RBFOX1: variants seen among roughly 807,000 people sequenced by gnomAD.
RBFOX1 encodes the protein RNA binding protein fox-1 homolog 1.
RBFOX1 carries 8 observed loss-of-function variants against 57.7 expected under a neutral mutation model. That is an observed-to-expected ratio of 0.14 (90% CI 0.08 to 0.25). RBFOX1 has a LOEUF of 0.25. Among genes scored for constraint, RBFOX1 ranks in the 10% least tolerant of loss-of-function variants. The pLI, the probability that RBFOX1 is intolerant of heterozygous loss-of-function variation, is 1.00. For missense variants in RBFOX1, 611 were observed against 548.5 expected (o/e 1.11, Z -1.14); for synonymous variants, 326 against 222.4 (o/e 1.47, Z -4.15).
chr16:6,301,824 C>T (rs2078854254), intron 1 of RBFOX1, among the ~76,000 whole-genome samples: 1 of 152,074 alleles, frequency 6.6e-6, no homozygotes, highest in Non-Finnish European at 1.5e-5. Flanking sequence ...GAATATTTAT[C>T]AGAATTATAT....
chr16:6,717,053 T>G (rs1376000275), intron 3 of RBFOX1, among the ~76,000 whole-genome samples: 1 of 152,194 alleles, frequency 6.6e-6, no homozygotes, highest in Non-Finnish European at 1.5e-5. Context: ...GTGAGAAGGC[T>G]GCCATGTGCA....
At chr16:6,466,543 C>G (rs1015494561) in intron 2 of RBFOX1, among the ~76,000 whole-genome samples, 3 of 152,276 alleles carry the variant, frequency 2.0e-5, no homozygotes, top group East Asian at 1.9e-4. Context: ...TGAATTCAAT[C>G]TGATGCTTGC....
At chr16:6,042,403 C>G (rs938574120) in intron 1 of RBFOX1, among the ~76,000 whole-genome samples, 10 of 152,134 alleles carry the variant, frequency 6.6e-5, no homozygotes, top group African/African-American at 9.7e-5. Context: ...CTGGCCCTTT[C>G]TCTTCCATTT....
chr16:7,349,918 G>C (rs990225371), intron 4 of RBFOX1, among the ~76,000 whole-genome samples: 3 of 152,148 alleles, frequency 2.0e-5, no homozygotes, highest in African/African-American at 7.2e-5. Flanking sequence ...AGGCCGAGGT[G>C]GGTGGATCAC....
chr16:6,371,498 C>G (rs565743625), intron 2 of RBFOX1, among the ~76,000 whole-genome samples: 6 of 152,286 alleles, frequency 3.9e-5, no homozygotes, highest in Non-Finnish European at 7.4e-5. Flanking sequence ...GGAGCCCCTT[C>G]AAGCTGGCTC....
chr16:5,815,594 C>G (rs957618703), intron 3 of RBFOX1, among the ~76,000 whole-genome samples: 53 of 152,172 alleles, frequency 3.5e-4, no homozygotes, highest in Non-Finnish European at 1.3e-4. Flanking sequence ...AAAGTGGACC[C>G]TGTTCCAGGA....
At chr16:5,324,098 C>T (rs891545143) in intron 1 of RBFOX1, among the ~76,000 whole-genome samples, 2 of 152,210 alleles carry the variant, frequency 1.3e-5, no homozygotes, top group African/African-American at 4.8e-5. Flanking sequence ...CAGCACCTGC[C>T]TCCTCCTAGT....
chr16:7,242,633 G>C (rs1424290945), intron 4 of RBFOX1, among the ~76,000 whole-genome samples: 2 of 152,206 alleles, frequency 1.3e-5, no homozygotes, highest in Non-Finnish European at 2.9e-5. Context: ...GCTGCAGGAT[G>C]CTCAGCATGC....
chr16:6,642,510 C>T (rs950269682), intron 2 of RBFOX1, among the ~76,000 whole-genome samples: 1 of 151,910 alleles, frequency 6.6e-6, no homozygotes, highest in African/African-American at 2.4e-5. Context: ...TCGAGTTACC[C>T]GGCCTTTTAC....
chr16:7,042,894 C>G (rs557304594), intron 3 of RBFOX1, among the ~76,000 whole-genome samples: 13 of 152,036 alleles, frequency 8.6e-5, no homozygotes, highest in East Asian at 3.9e-4. Context: ...CCACTGCACT[C>G]CAGCCTGGGT....
chr16:5,761,348 C>A (rs1171783041), intron 3 of RBFOX1, among the ~76,000 whole-genome samples: 1 of 152,152 alleles, frequency 6.6e-6, no homozygotes, highest in Non-Finnish European at 1.5e-5. Flanking sequence ...TAGATCTGGC[C>A]TTGCTGTTTG....
chr16:6,750,806 T>A (rs761955962), intron 3 of RBFOX1, among the ~76,000 whole-genome samples: 1 of 152,162 alleles, frequency 6.6e-6, no homozygotes, highest in Non-Finnish European at 1.5e-5. Context: ...AAAACATAAA[T>A]AGTTAATAAC....
At chr16:5,567,845 A>T (rs2046129250) in intron 2 of RBFOX1, among the ~76,000 whole-genome samples, 1 of 152,058 alleles carries the variant, frequency 6.6e-6, no homozygotes, top group South Asian at 2.1e-4. Context: ...GTTAATCCCC[A>T]CGACTTTCTT....
intron 3 of RBFOX1, among the ~76,000 whole-genome samples, chr16:6,780,089 A>T (rs561429343): frequency 2.4e-4 from 11 of 46,040 alleles, no homozygotes; most frequent in Admixed American, 9.2e-4. Context: ...ATTTATATAT[A>T]TTTATATATT....
At chr16:6,894,153 G>A (rs576835521) in intron 3 of RBFOX1, among the ~76,000 whole-genome samples, 42 of 152,302 alleles carry the variant, frequency 2.8e-4, no homozygotes, top group Non-Finnish European at 4.1e-4. Context: ...ATCTATAATT[G>A]CTACCTATCT....
intron 4 of RBFOX1, among the ~76,000 whole-genome samples, chr16:7,111,361 C>A (rs7195786): frequency 0.018 from 2,729 of 152,258 alleles, 84 homozygotes; most frequent in African/African-American, 0.063. Flanking sequence ...GCACTGTTTT[C>A]CCTACCATTT....
At chr16:5,500,322 A>C (rs988935524) in intron 2 of RBFOX1, among the ~76,000 whole-genome samples, 1 of 151,970 alleles carries the variant, frequency 6.6e-6, no homozygotes, top group African/African-American at 2.4e-5. Context: ...TGCTGAATTC[A>C]AGTGATCCTC....
At chr16:6,466,533 T>C (rs1597649462) in intron 2 of RBFOX1, among the ~76,000 whole-genome samples, 1 of 152,186 alleles carries the variant, frequency 6.6e-6, no homozygotes, top group Non-Finnish European at 1.5e-5. Context: ...TAGATATGTA[T>C]GAATTCAATC....
chr16:5,488,645 G>A (rs200775752), intron 2 of RBFOX1, among the ~76,000 whole-genome samples: 6 of 127,408 alleles, frequency 4.7e-5, no homozygotes, highest in African/African-American at 6.7e-5. Context: ...AGTGATGATG[G>A]TGATGATGAT....
Sources: allele counts gnomAD v4.1 joint callset (sites outside exome capture counted in the v4.1 genomes callset), GRCh38; gene constraint gnomAD v4.1.1; transcripts MANE v1.5; gene names NCBI Gene and HGNC (gene_info 2026-07-23, HGNC 2026-07-21).